EIF3H: variants seen among roughly 807,000 people sequenced by gnomAD.
EIF3H encodes eIF-3-gamma.
A neutral mutation model predicts 44.2 loss-of-function variants in EIF3H; 26 were observed. That is an observed-to-expected ratio of 0.59 (90% CI 0.43 to 0.82). The LOEUF (loss-of-function observed/expected upper bound fraction) is 0.82, where lower values mean the gene tolerates loss of function less well. EIF3H is among the 40% of genes least tolerant of loss of function. The pLI, the probability that EIF3H is intolerant of heterozygous loss-of-function variation, is 0.00. For synonymous variants in EIF3H, 166 were observed against 151.9 expected (o/e 1.09, Z -0.68); for missense variants, 359 against 432.8 (o/e 0.83, Z 1.51).
chr8:116,686,779 T>A (rs1814084950), intron 2 of EIF3H, among the ~76,000 whole-genome samples: 1 of 150,496 alleles, frequency 6.6e-6, no homozygotes, highest in Non-Finnish European at 1.5e-5. Flanking sequence ...TGGGCAAGAG[T>A]TTGCCAGGCC....
chr8:116,673,105 G>C (rs1301157512), intron 2 of EIF3H, among the ~76,000 whole-genome samples: 4 of 151,682 alleles, frequency 2.6e-5, no homozygotes, highest in African/African-American at 7.3e-5. Flanking sequence ...ACACAGCCAG[G>C]AGGCAATGGC....
chr8:116,669,584 G>A (rs944482837), intron 2 of EIF3H, among the ~76,000 whole-genome samples: 10 of 152,166 alleles, frequency 6.6e-5, no homozygotes, highest in Non-Finnish European at 1.5e-4. Flanking sequence ...GTATTGCTTA[G>A]GAGAAGGGCC....
intron 1 of EIF3H, among the ~76,000 whole-genome samples, chr8:116,745,588 T>C (rs956249919): frequency 6.6e-6 from 1 of 152,142 alleles, no homozygotes; most frequent in Non-Finnish European, 1.5e-5. Flanking sequence ...AAAGGACCAA[T>C]GGCCCAGGAT....
At chr8:116,651,443 T>C (rs193086820) in intron 5 of EIF3H, among the ~76,000 whole-genome samples, 1 of 152,188 alleles carries the variant, frequency 6.6e-6, no homozygotes, top group Non-Finnish European at 1.5e-5. Context: ...CCAACTAAAA[T>C]ATGGATTCTA....
chr8:116,703,828 TTCTG>T (rs1422229618), intron 2 of EIF3H, among the ~76,000 whole-genome samples: 1 of 152,174 alleles, frequency 6.6e-6, no homozygotes, highest in African/African-American at 2.4e-5. Context: ...CTGTCTTTTC[TTCTG>T]TCTCTTTGTC....
Position 116,657,236 on chromosome 8 carries a change from T to C in EIF3H, c.536A>G (p.Glu179Gly). The C allele has an allele frequency of 1.9e-6, 3 of 1,613,706 alleles. No individual in the cohort carries two copies. The highest frequency in any genetic ancestry group is 2.5e-6 in the Non-Finnish European group (3 of 1,179,692). Residue 179 changes from glutamate (E) to glycine (G), a missense_variant, in exon 4 of 8, where the codon GAA becomes GGA. Around this residue, in one of 5 missense-constraint regions of EIF3H, gnomAD observed 85 missense variants for 79.2 expected, o/e 1.07. Transcript: ENST00000521861. Reference sequence around the variant, plus strand: ...TTACGCTTCAGGGGAAAAATCCTTTTCTTTACAAACTTCCATCAGTTTAGG... The same window carrying C: ...TTACGCTTCAGGGGAAAAATCCTTTCCTTTACAAACTTCCATCAGTTTAGG... ...LTPKLMEVCK[E>G]KDFSPEALKK...
At chr8:116,679,375 C>T (rs1813924362) in intron 2 of EIF3H, among the ~76,000 whole-genome samples, 1 of 75,156 alleles carries the variant, frequency 1.3e-5, no homozygotes, top group African/African-American at 3.3e-5. Context: ...GGTCAGCCCC[C>T]CGCCCGGCCA....
chr8:116,649,026 T>A, intron 5 of EIF3H, 100 bp from the exon 6 acceptor site: 1 of 1,073,570 alleles, frequency 9.3e-7, no homozygotes, highest in Non-Finnish European at 1.3e-6. Flanking sequence ...TGGCTTTTGC[T>A]AAAAGAATGA....
Position 116,755,809 on chromosome 8 carries a change from G to C in EIF3H, c.-12C>G, listed in dbSNP as rs190191914. 5.3e-4 allele frequency: 856 copies of C among 1,612,534 alleles called. 3 individuals carry two copies. In the East Asian group the frequency reaches 7.4e-3, roughly 14 times the overall value. ...TTGCGGGACGCCATCTTTCCAAGCA[G>C]ACAGGAAGAAAGAGAAACGTGAGTT... On this transcript the variant is annotated 5_prime_UTR_variant, in exon 1 of 8. Transcript: ENST00000521861.
intron 2 of EIF3H, among the ~76,000 whole-genome samples, chr8:116,697,944 T>C (rs1415704109): frequency 6.6e-6 from 1 of 152,242 alleles, no homozygotes; most frequent in African/African-American, 2.4e-5. Context: ...TAACAATATC[T>C]ACTACACATT....
At position 116,726,118 on chromosome 8, in the gene EIF3H, C is replaced by A; in HGVS notation, c.187G>T (p.Val63Phe). 6.2e-7 allele frequency: 1 copy of A among 1,614,114 alleles called. No homozygotes were observed. ...ACCAGACCCAAAAGCACTCCTTGAA[C>A]AACTTCAGTTCCTTGTCCTTCTTCT... is the stretch of plus-strand genomic sequence containing the variant. ...YQEEGQGTEV[V>F]QGVLLGLVVE... Residue 63 changes from valine (V) to phenylalanine (F), a missense_variant, in exon 2 of 8, where the codon GTT (valine) becomes TTT (phenylalanine). Coordinates refer to ENST00000521861, the MANE Select transcript of EIF3H (RefSeq NM_003756.3).
chr8:116,653,336 AAAAC>A lies in EIF3H; in HGVS notation c.707+2516_707+2519del, dbSNP rs1395404203. Among the ~76,000 whole-genome samples the A allele has an allele frequency of 1.4e-4, 12 of 83,642 alleles. No homozygotes were observed. In the South Asian group the frequency reaches 3.8e-3, roughly 26 times the overall value. The allele number at this position is 83,642 out of a possible 152,430, so 54.9% of individuals were successfully genotyped here. A position where few individuals can be genotyped will look rare whatever the true frequency, so the allele number is the denominator to read the frequency against. ...TATTATGATAATGCTCTTCAGAAAA[AAAAC>A]AATCAGAAACACACACACACACACA... On this transcript the variant is annotated intron_variant, in intron 5 of 7. Coordinates refer to ENST00000521861, the MANE Select transcript of EIF3H (RefSeq NM_003756.3).
At chr8:116,708,954 T>C (rs543217570) in intron 2 of EIF3H, among the ~76,000 whole-genome samples, 16 of 152,054 alleles carry the variant, frequency 1.1e-4, no homozygotes, top group African/African-American at 3.6e-4. Flanking sequence ...CTGTTGAACT[T>C]GTACCTCCTT....
rs1341472362 is a variant in EIF3H at position 116,671,062 on chromosome 8, C to T, written c.290-12082G>A. Among the ~76,000 whole-genome samples, 3 of 152,216 alleles carry T rather than the reference C, an allele frequency of 2.0e-5. No individual in the cohort carries two copies. The East Asian group carries it at 5.8e-4, about 29-fold the overall frequency. ...TTATCTTCTGCAATTGGCAAACAGGCTCCTGCCAGATGTTTAAAATAGAAT... is the reference window on the plus strand; with the variant it reads ...TTATCTTCTGCAATTGGCAAACAGGTTCCTGCCAGATGTTTAAAATAGAAT... On this transcript the variant is annotated intron_variant, in intron 2 of 7. Transcript: ENST00000521861.
chr8:116,748,217 T>C (rs1263294406), intron 1 of EIF3H, among the ~76,000 whole-genome samples: 1 of 151,494 alleles, frequency 6.6e-6, no homozygotes, highest in African/African-American at 2.4e-5. Flanking sequence ...TCCACCAAAA[T>C]TTTTCCATTA....
intron 2 of EIF3H, among the ~76,000 whole-genome samples, chr8:116,702,060 A>G (rs1191125172): frequency 1.3e-5 from 2 of 152,192 alleles, no homozygotes; most frequent in African/African-American, 4.8e-5. Flanking sequence ...AGATAAGCAT[A>G]TGATCTATGA....
chr8:116,745,368 T>C (rs796613496), intron 1 of EIF3H, among the ~76,000 whole-genome samples: 18 of 152,320 alleles, frequency 1.2e-4, no homozygotes, highest in African/African-American at 4.1e-4. Context: ...ACTATCTTCA[T>C]ATCAAACTAA....
chr8:116,759,174 A>C (rs1299229255), upstream of EIF3H, among the ~76,000 whole-genome samples: 2 of 152,214 alleles, frequency 1.3e-5, no homozygotes, highest in Non-Finnish European at 2.9e-5. Flanking sequence ...TATTCGCAAC[A>C]AGATGTTCTT....
chr8:116,762,112 C>T (rs1815524366), intron 1 of EIF3H, among the ~76,000 whole-genome samples: 1 of 152,144 alleles, frequency 6.6e-6, no homozygotes, highest in Non-Finnish European at 1.5e-5. Context: ...TGAACCTGTT[C>T]AAAGGAAGGG....
Sources: allele counts gnomAD v4.1 joint callset (sites outside exome capture counted in the v4.1 genomes callset), GRCh38; gene constraint gnomAD v4.1.1; regional missense constraint gnomAD v4.1.1; transcripts MANE v1.5; gene names NCBI Gene and HGNC (gene_info 2026-07-23, HGNC 2026-07-21).